Variants in USP22 observed in about 807,000 individuals in gnomAD.
USP22 encodes the protein ubiquitin carboxyl-terminal hydrolase 22.
In USP22, 22 loss-of-function variants were observed where a neutral mutation model predicts 68.1. That is an observed-to-expected ratio of 0.32 (90% CI 0.23 to 0.46). USP22 has a LOEUF of 0.46. Ranked by LOEUF, USP22 falls within the 20% of genes least tolerant of loss-of-function variation. The pLI is 1.00. For missense variants in USP22, 433 were observed against 695.8 expected, an observed-to-expected ratio of 0.62 and a Z score of 4.25; for synonymous variants, 279 against 274.2, an observed-to-expected ratio of 1.02 and a Z score of -0.17.
rs185576814 is a variant in USP22 at position 21,008,727 on chromosome 17, G to C, written c.1104-731C>G. Among the ~76,000 whole-genome samples, 3 of 152,114 alleles carry C rather than the reference G, an allele frequency of 2.0e-5. No individual in the cohort carries two copies. In the South Asian group the frequency reaches 6.3e-4, roughly 32 times the overall value. On this transcript the variant is annotated intron_variant, in intron 8 of 12. Coordinates refer to ENST00000261497, the MANE Select transcript of USP22 (RefSeq NM_015276.2). ...TCACCATCGGGGGACCGGGGTAAAG[G>C]GTACCTAAAGGCTTCTTACAACTGC...
rs983198642 is a variant in USP22 at position 20,999,657 on chromosome 17, G to A, written c.*3374C>T. 3 of 152,198 alleles carry A rather than the reference G, an allele frequency of 2.0e-5. No individual in the cohort carries two copies. Among genetic ancestry groups the A allele is most frequent in the African/African-American group, 7.2e-5 (3 of 41,432 alleles). The allele number at this position is 152,198 out of a possible 1,614,324, so 9.4% of individuals were successfully genotyped here. A position where few individuals can be genotyped will look rare whatever the true frequency, so the allele number is the denominator to read the frequency against. On this transcript the variant is annotated 3_prime_UTR_variant, in exon 13 of 13. Transcript: ENST00000261497. Reference sequence around the variant, plus strand: ...ACTACAAAGCACTGGGGGGGAGGAGGAGTGACACAGCTCCTCAAAATGGAA... The same window carrying A: ...ACTACAAAGCACTGGGGGGGAGGAGAAGTGACACAGCTCCTCAAAATGGAA...
chr17:21,015,594 G>A, intron 6 of USP22, 158 bp downstream of exon 6: 5 of 1,089,312 alleles, frequency 4.6e-6, no homozygotes, highest in Middle Eastern at 3.1e-4. Flanking sequence ...ATTAGTTATG[G>A]TGACTTCAGA....
Position 21,042,966 on chromosome 17 carries a change from G to A in USP22, c.-131C>T, listed in dbSNP as rs1461507683. On this transcript the variant is annotated 5_prime_UTR_variant, in exon 1 of 13. Coordinates refer to ENST00000261497, the MANE Select transcript of USP22 (RefSeq NM_015276.2). ...CGGGCGCCGAGAACAAAGCGCGGAG[G>A]CCGGACAAAGATGGGGCTGCGCGAT... is the stretch of plus-strand genomic sequence containing the variant. The A allele has an allele frequency of 4.2e-6, 2 of 481,628 alleles. No homozygotes were observed. The highest frequency in any genetic ancestry group is 9.2e-5 in the South Asian group (1 of 10,848). The allele number at this position is 481,628 out of a possible 1,614,324, so 29.8% of individuals were successfully genotyped here. A position where few individuals can be genotyped will look rare whatever the true frequency, so the allele number is the denominator to read the frequency against.
chr17:21,011,244 G>T lies in USP22; in HGVS notation c.1010C>A (p.Pro337Gln). Residue 337 changes from proline (P) to glutamine (Q), a missense_variant, in exon 8 of 13, where the codon CCA becomes CAA. Transcript: ENST00000261497. Reference protein sequence around the residue: ...ISLDLPGSSTPFWPLSPGSEG... With the variant: ...ISLDLPGSSTQFWPLSPGSEG... ...GCTCCCTGGGCTCAGGGGCCAGAATGGGGTGGAAGAGCCGGGGAGATCCAA... is the reference window on the plus strand; with the variant it reads ...GCTCCCTGGGCTCAGGGGCCAGAATTGGGTGGAAGAGCCGGGGAGATCCAA... 6.2e-7 allele frequency: 1 copy of T among 1,603,704 alleles called. No homozygotes were observed. The highest frequency in any genetic ancestry group is 8.5e-7 in the Non-Finnish European group (1 of 1,174,972).
intron 8 of USP22, among the ~76,000 whole-genome samples, chr17:21,010,029 ACT>A (rs1913904346): frequency 6.6e-6 from 1 of 151,916 alleles, no homozygotes. Context: ...TATAGTCCCA[ACT>A]ACTCAGGAGG....
intron 3 of USP22, among the ~76,000 whole-genome samples, chr17:21,020,544 G>A (rs903677151): frequency 2.6e-5 from 4 of 152,144 alleles, no homozygotes; most frequent in Non-Finnish European, 5.9e-5. Context: ...GTGGGTGCAC[G>A]CTGTTGACAT....
At position 21,021,104 on chromosome 17, in the gene USP22, G is replaced by A; in HGVS notation, c.418+9C>T. 6.2e-7 allele frequency: 1 copy of A among 1,609,210 alleles called. No individual in the cohort carries two copies. The highest frequency in any genetic ancestry group is 8.5e-7 in the Non-Finnish European group (1 of 1,175,598). ...AGGATCAAGCAGGTAAACTGAGGTG[G>A]AACCAAACCTTGCATTTTCCAAGCT... On this transcript the variant is annotated intron_variant, in intron 3 of 12. Transcript: ENST00000261497.
intron 2 of USP22, 70 bp from the exon 3 acceptor site, chr17:21,021,296 G>T: frequency 9.6e-7 from 1 of 1,042,868 alleles, no homozygotes; most frequent in Non-Finnish European, 1.5e-6. Context: ...GGAGGGCAGA[G>T]TTAAACACAG....
chr17:21,006,857 GC>G, intron 10 of USP22, 38 bp downstream of exon 10: 1 of 1,495,774 alleles, frequency 6.7e-7, no homozygotes, highest in Non-Finnish European at 9.0e-7. Flanking sequence ...TAGGATCACA[GC>G]CCCTCAGGAC....
intron 4 of USP22, chr17:21,018,315 C>T (rs1190415773): frequency 1.3e-5 from 6 of 478,522 alleles, no homozygotes; most frequent in Non-Finnish European, 2.2e-5. Context: ...ACCATGGACC[C>T]CTCCCACTTC....
At chr17:21,008,777 A>G (rs1913857192) in intron 8 of USP22, among the ~76,000 whole-genome samples, 2 of 152,312 alleles carry the variant, frequency 1.3e-5, no homozygotes, top group Non-Finnish European at 2.9e-5. Flanking sequence ...TGATCTCAAC[A>G]TAAGCAGTTT....
chr17:21,011,829 G>C (rs1238128564), intron 7 of USP22, among the ~76,000 whole-genome samples: 2 of 152,158 alleles, frequency 1.3e-5, no homozygotes, highest in Non-Finnish European at 2.9e-5. Context: ...CTTGCAGACT[G>C]GGAAATTTAC....
intron 1 of USP22, chr17:21,042,357 A>AAGGAGGGGGAGGGGACAGAG (rs1211495605): frequency 0.015 from 2,218 of 143,574 alleles, 341 homozygotes; most frequent in African/African-American, 0.088. Flanking sequence ...GGCGGAGAGA[A>AAGGAGGGGGAGGGGACAGAG]AGGAGGGGGA....
At chr17:21,022,773 T>A (rs978486016) in intron 2 of USP22, among the ~76,000 whole-genome samples, 6 of 138,344 alleles carry the variant, frequency 4.3e-5, no homozygotes, top group African/African-American at 1.4e-4. Flanking sequence ...CACTCCAGCC[T>A]GGGCAACAGA....
chr17:21,029,555 A>G (rs1175167247), intron 1 of USP22, among the ~76,000 whole-genome samples: 1 of 152,258 alleles, frequency 6.6e-6, no homozygotes, highest in Non-Finnish European at 1.5e-5. Context: ...AATTCAGGCA[A>G]GAATCATCAG....
At chr17:21,023,330 T>A (rs1972180127) in intron 2 of USP22, among the ~76,000 whole-genome samples, 1 of 152,096 alleles carries the variant, frequency 6.6e-6, no homozygotes, top group Non-Finnish European at 1.5e-5. Context: ...CCGTTGAAAC[T>A]AAAATAAAAG....
chr17:21,041,607 A>AT (rs544092081), intron 1 of USP22, among the ~76,000 whole-genome samples: 37 of 150,800 alleles, frequency 2.5e-4, no homozygotes, highest in East Asian at 3.9e-4. Flanking sequence ...CAAAAAAATA[A>AT]TTTTTTTTTT....
chr17:21,001,050 A>AAT lies in USP22; in HGVS notation c.*1980_*1981insAT, dbSNP rs1313485867. 1.3e-5 allele frequency: 2 copies of AAT among 151,718 alleles called. No individual in the cohort carries two copies. Among genetic ancestry groups the AAT allele is most frequent in the African/African-American group, 2.4e-5 (1 of 41,272 alleles). The allele number at this position is 151,718 out of a possible 1,614,324, so 9.4% of individuals were successfully genotyped here. A position where few individuals can be genotyped will look rare whatever the true frequency, so the allele number is the denominator to read the frequency against. ...GGCAACAAACTCCATCTCAAAAAAA[A>AAT]AAAAAAAAAGACTGCACATCCTCAA... On this transcript the variant is annotated 3_prime_UTR_variant, in exon 13 of 13. Coordinates refer to ENST00000261497, the MANE Select transcript of USP22 (RefSeq NM_015276.2).
chr17:21,039,099 G>A (rs866509239), intron 1 of USP22, among the ~76,000 whole-genome samples: 3 of 151,890 alleles, frequency 2.0e-5, no homozygotes, highest in African/African-American at 2.4e-5. Context: ...TTACAGGCGC[G>A]TGCCACCATG....
Sources: gnomAD v4.1 joint callset for allele counts (sites outside exome capture counted in the v4.1 genomes callset) on GRCh38, gnomAD v4.1.1 for gene constraint, MANE v1.5 for transcripts, NCBI Gene and HGNC (gene_info 2026-07-23, HGNC 2026-07-21) for gene names.